PTPRG: variants seen among roughly 807,000 people sequenced by gnomAD.
PTPRG encodes protein tyrosine phosphatase receptor type G, also known as receptor-type tyrosine-protein phosphatase gamma.
In PTPRG, 102 loss-of-function variants were observed where a neutral mutation model predicts 165.3. The ratio of observed to expected loss-of-function variants is 0.62; its 90% confidence interval spans 0.53 to 0.73. The LOEUF (loss-of-function observed/expected upper bound fraction) is 0.73, where lower values mean the gene tolerates loss of function less well. Ranked by LOEUF, PTPRG falls within the 30% of genes least tolerant of loss-of-function variation. PTPRG has a pLI of 0.00. For synonymous variants in PTPRG, 675 were observed against 669.5 expected, an observed-to-expected ratio of 1.01 and a Z score of -0.13; for missense variants, 1,866 against 1,861.4, an observed-to-expected ratio of 1.00 and a Z score of -0.05.
At position 61,739,572 on chromosome 3, in the gene PTPRG, A is replaced by G. The variant is rs376429058; in HGVS notation, c.86-9306A>G. Among the ~76,000 whole-genome samples, 6 of 152,352 alleles carry G rather than the reference A, an allele frequency of 3.9e-5. No homozygotes were observed. In the South Asian group the frequency reaches 1.2e-3, roughly 32 times the overall value. On this transcript the variant is annotated intron_variant, in intron 1 of 29. Coordinates refer to ENST00000474889, the MANE Select transcript of PTPRG (RefSeq NM_002841.4). ...TCAGTTATAGAGGACTGAGAGTAATATCTGGTTCAGACCTATGTGTTCTTA... is the reference window on the plus strand; with the variant it reads ...TCAGTTATAGAGGACTGAGAGTAATGTCTGGTTCAGACCTATGTGTTCTTA...
At chr3:61,817,301 A>T (rs868539983) in intron 2 of PTPRG, among the ~76,000 whole-genome samples, 2 of 141,456 alleles carry the variant, frequency 1.4e-5, no homozygotes, top group Non-Finnish European at 3.0e-5. Flanking sequence ...ATTTTTTTTT[A>T]AATGGTTCAA....
At chr3:61,701,109 T>G (rs189217025) in intron 1 of PTPRG, among the ~76,000 whole-genome samples, 10 of 152,274 alleles carry the variant, frequency 6.6e-5, no homozygotes, top group African/African-American at 2.4e-4. Context: ...TTGTTCTGTT[T>G]AAGGCTAGCT....
chr3:61,663,096 C>T (rs1299045289), intron 1 of PTPRG, among the ~76,000 whole-genome samples: 2 of 152,110 alleles, frequency 1.3e-5, no homozygotes, highest in Non-Finnish European at 2.9e-5. Flanking sequence ...CAAGCCTGGG[C>T]AACATGGCGA....
At chr3:62,119,940 A>AT (rs1251451248) in intron 5 of PTPRG, among the ~76,000 whole-genome samples, 2 of 151,858 alleles carry the variant, frequency 1.3e-5, no homozygotes, top group African/African-American at 4.8e-5. Flanking sequence ...GGCCAGATTT[A>AT]TTTTTAAAAG....
chr3:61,960,611 T>C (rs2040129178), intron 2 of PTPRG, among the ~76,000 whole-genome samples: 1 of 152,124 alleles, frequency 6.6e-6, no homozygotes, highest in Non-Finnish European at 1.5e-5. Context: ...AGAGTCATTG[T>C]TTTTCCTTCC....
intron 2 of PTPRG, among the ~76,000 whole-genome samples, chr3:61,757,892 G>A (rs1486343553): frequency 5.9e-5 from 9 of 152,082 alleles, no homozygotes; most frequent in African/African-American, 2.2e-4. Context: ...TTAATTTAAA[G>A]GTTCAAAGGA....
At chr3:62,071,459 C>T (rs958509205) in intron 4 of PTPRG, among the ~76,000 whole-genome samples, 15 of 152,152 alleles carry the variant, frequency 9.9e-5, no homozygotes, top group African/African-American at 3.6e-4. Flanking sequence ...CTGCCCATTG[C>T]CTGTATAAAT....
intron 25 of PTPRG, among the ~76,000 whole-genome samples, 161 bp downstream of exon 25, chr3:62,277,209 C>T (rs1702259314): frequency 6.6e-6 from 1 of 152,028 alleles, no homozygotes; most frequent in African/African-American, 2.4e-5. Flanking sequence ...ACAAAAGATA[C>T]CTAATCAGTG....
chr3:62,033,632 T>G (rs1699846793), intron 4 of PTPRG, among the ~76,000 whole-genome samples: 1 of 150,622 alleles, frequency 6.6e-6, no homozygotes, highest in Non-Finnish European at 1.5e-5. Flanking sequence ...CCCAAAATGT[T>G]GTGATGACAG....
At chr3:61,872,980 C>T (rs751643702) in intron 2 of PTPRG, among the ~76,000 whole-genome samples, 2 of 152,080 alleles carry the variant, frequency 1.3e-5, no homozygotes, top group Non-Finnish European at 2.9e-5. Flanking sequence ...GTGGGTCAGG[C>T]CCATCAGAGT....
chr3:61,719,435 GC>G (rs2031955342), intron 1 of PTPRG, among the ~76,000 whole-genome samples: 1 of 152,100 alleles, frequency 6.6e-6, no homozygotes, highest in Non-Finnish European at 1.5e-5. Flanking sequence ...CAGGGGATGT[GC>G]CCCTCCTCTC....
chr3:62,285,792 A>C (rs577525957), intron 28 of PTPRG, among the ~76,000 whole-genome samples: 4 of 152,278 alleles, frequency 2.6e-5, no homozygotes, highest in South Asian at 2.1e-4. Context: ...ATAGTCTTAT[A>C]AGACAGCTGT....
chr3:61,886,003 ACACAG>A (rs1007766452), intron 2 of PTPRG, among the ~76,000 whole-genome samples: 34 of 151,922 alleles, frequency 2.2e-4, no homozygotes, highest in Middle Eastern at 3.4e-3. Flanking sequence ...CCACATGCAC[ACACAG>A]GGAGAGAGGG....
intron 7 of PTPRG, among the ~76,000 whole-genome samples, chr3:62,164,325 T>C (rs1173780282): frequency 6.6e-6 from 1 of 152,196 alleles, no homozygotes; most frequent in Non-Finnish European, 1.5e-5. Flanking sequence ...ACTGCCCACT[T>C]GCCAAAGTGA....
chr3:61,747,737 C>G (rs1335410362), intron 1 of PTPRG, among the ~76,000 whole-genome samples: 1 of 151,990 alleles, frequency 6.6e-6, no homozygotes, highest in African/African-American at 2.4e-5. Context: ...TTGTGTTTTC[C>G]TGGTCCCATC....
Position 62,208,146 on chromosome 3 carries a change from C to G in PTPRG, c.2155+4196C>G, listed in dbSNP as rs1007170515. 7.9e-5 allele frequency among the ~76,000 whole-genome samples: 12 copies of G among 152,286 alleles called. No individual in the cohort carries two copies. The East Asian group carries it at 1.4e-3, about 17-fold the overall frequency. ...GCTAGAGTTGCAACTTCCTGAGAAG[C>G]CTTTCAGAAGGCTTGAAGGCCTAGG... is the stretch of plus-strand genomic sequence containing the variant. On this transcript the variant is annotated intron_variant, in intron 12 of 29. Transcript: ENST00000474889.
chr3:62,077,214 C>T (rs574145900), intron 4 of PTPRG, among the ~76,000 whole-genome samples: 33 of 151,884 alleles, frequency 2.2e-4, no homozygotes, highest in African/African-American at 6.8e-4. Flanking sequence ...CGCAGTGAGC[C>T]GTGGTGGCTG....
Position 62,255,165 on chromosome 3 carries a change from A to G in PTPRG, c.2509A>G (p.Ile837Val), listed in dbSNP as rs1217454558. The change falls in exon 16 of 30, where the codon ATC becomes GTC. Residue 837 changes from isoleucine (I) to valine (V), a missense_variant. Ile to Val is a conservative substitution (Grantham distance 29, BLOSUM62 3). Transcript: ENST00000474889. The surrounding 1 kb of genome is among the most constrained non-coding windows in gnomAD (Gnocchi z 4.0). ...TCCTGTCAAACAGTTTGTCAAACAC[A>G]TCGGTGAGCTCTATTCTAATAACCA... is the stretch of plus-strand genomic sequence containing the variant. ...AIPVKQFVKH[I>V]GELYSNNQHG... The G allele has an allele frequency of 5.0e-6, 8 of 1,613,334 alleles. No homozygotes were observed. In the African/African-American group the frequency reaches 1.1e-4, roughly 22 times the overall value.
In PTPRG at chr3:61,842,462, C is replaced by T. The variant is rs141319581; in HGVS notation, c.190+93480C>T. On this transcript the variant is annotated intron_variant, in intron 2 of 29. Coordinates refer to ENST00000474889, the MANE Select transcript of PTPRG (RefSeq NM_002841.4). The stretch of plus-strand genomic sequence containing the variant: ...AGACAGTTCAGATTTACTTTCATTA[C>T]ATGTTCCCCTCCTTGTATTCCAGGG... Among the ~76,000 whole-genome samples, 391 of 152,290 alleles carry T rather than the reference C, an allele frequency of 2.6e-3. 2 individuals carry two copies. The highest frequency in any genetic ancestry group is 4.6e-3 in the Non-Finnish European group (311 of 68,012).
Sources: gnomAD v4.1 joint callset for allele counts (sites outside exome capture counted in the v4.1 genomes callset) on GRCh38, gnomAD v4.1.1 for gene constraint, Gnocchi (gnomAD v3.1) non-coding constraint, MANE v1.5 for transcripts, NCBI Gene and HGNC (gene_info 2026-07-23, HGNC 2026-07-21) for gene names.